The following STX7 variants were observed in gnomAD, a reference collection of about 807,000 sequenced individuals.
STX7 encodes the protein syntaxin-7.
STX7 carries 34 observed loss-of-function variants against 39.6 expected under a neutral mutation model. That is an observed-to-expected ratio of 0.86 (90% CI 0.65 to 1.14). The LOEUF is 1.14. STX7 is among the 50% of genes most tolerant of loss of function. The pLI is 0.00. For missense variants in STX7, 284 were observed against 310.4 expected (o/e 0.92, Z 0.64); for synonymous variants, 119 against 99.1 (o/e 1.20, Z -1.19).
rs1287373038 is a variant in STX7, at chr6:132,447,946, G to A, written c.*12812C>T. 6.6e-6 allele frequency: 1 copy of A among 151,950 alleles called. No homozygotes were observed. The highest frequency in any genetic ancestry group is 1.5e-5 in the Non-Finnish European group (1 of 67,990). 9.4% of individuals were successfully genotyped at this position (151,950 alleles called of 1,614,324 possible). A position where few individuals can be genotyped will look rare whatever the true frequency, so the allele number is the denominator to read the frequency against. Reference sequence around the variant, plus strand: ...TCTTGCATTTTTGTGGTCTATCAAAGTTGGGATTTCTAAAGTGTTTTTCCC... The same window carrying A: ...TCTTGCATTTTTGTGGTCTATCAAAATTGGGATTTCTAAAGTGTTTTTCCC... On this transcript the variant is annotated 3_prime_UTR_variant, in exon 10 of 10. Coordinates refer to ENST00000367941, the MANE Select transcript of STX7 (RefSeq NM_003569.3).
rs907342240 is a variant in STX7, at chr6:132,460,380, C to G, written c.*378G>C. The G allele has an allele frequency of 6.4e-6, 1 of 156,382 alleles. No homozygotes were observed. The highest frequency in any genetic ancestry group is 2.4e-5 in the African/African-American group (1 of 41,568). 9.7% of individuals were successfully genotyped at this position (156,382 alleles called of 1,614,324 possible). The stretch of plus-strand genomic sequence containing the variant: ...TTTGAGAATTTTAATTGAAGTAACA[C>G]ACATCTAGGTGTGTCACAGTGACAG... On this transcript the variant is annotated 3_prime_UTR_variant, in exon 10 of 10. Coordinates refer to ENST00000367941, the MANE Select transcript of STX7 (RefSeq NM_003569.3).
chr6:132,487,036 G>A (rs137926572), intron 2 of STX7, among the ~76,000 whole-genome samples: 1,784 of 152,216 alleles, frequency 0.012, 17 homozygotes, highest in South Asian at 0.019. Context: ...CTGCTAAAAC[G>A]AATTCTTCAA....
rs1171192816 is a variant in STX7, at chr6:132,446,583, C to CATTT, written c.*14171_*14174dup. ...GATTTTGCTTTTTCTCAGGGCCCAG[C>CATTT]ATTTATTAAGCACTCAGCAAATGCT... On this transcript the variant is annotated 3_prime_UTR_variant, in exon 10 of 10. Transcript: ENST00000367941. 6.6e-6 allele frequency: 1 copy of CATTT among 152,158 alleles called. No homozygotes were observed. The highest frequency in any genetic ancestry group is 6.5e-5 in the Admixed American group (1 of 15,274). 9.4% of individuals were successfully genotyped at this position (152,158 alleles called of 1,614,324 possible).
At chr6:132,508,959 A>G (rs919757005) in intron 1 of STX7, among the ~76,000 whole-genome samples, 1 of 152,214 alleles carries the variant, frequency 6.6e-6, no homozygotes, top group Non-Finnish European at 1.5e-5. Flanking sequence ...TTATTTTCTC[A>G]GTTAATTCTT....
At chr6:132,462,731 G>A (rs1239100810) in intron 9 of STX7, among the ~76,000 whole-genome samples, 1 of 152,036 alleles carries the variant, frequency 6.6e-6, no homozygotes, top group East Asian at 1.9e-4. Flanking sequence ...ATAAACAGGA[G>A]TGACTGTCAG....
intron 3 of STX7, among the ~76,000 whole-genome samples, chr6:132,472,905 C>T (rs1562325461): frequency 1.3e-5 from 2 of 152,186 alleles, no homozygotes; most frequent in Admixed American, 6.5e-5. Flanking sequence ...CACCTGTCAT[C>T]CCAACACTTT....
chr6:132,512,378 G>A (rs1283129908), intron 1 of STX7, among the ~76,000 whole-genome samples: 1 of 151,926 alleles, frequency 6.6e-6, no homozygotes, highest in African/African-American at 2.4e-5. Flanking sequence ...AAAACAAGGT[G>A]GAGGAAATAC....
Position 132,454,867 on chromosome 6 carries a change from AT to A in STX7, c.*5890del, listed in dbSNP as rs1360140271. ...ACTAAGGTTATCTTACTATTAGCAA[AT>A]TTTGGTATATACCCACTGCAAAATA... is the stretch of plus-strand genomic sequence containing the variant. On this transcript the variant is annotated 3_prime_UTR_variant, in exon 10 of 10. Transcript: ENST00000367941. The A allele has an allele frequency of 6.6e-6, 1 of 152,182 alleles. No homozygotes were observed. The highest frequency in any genetic ancestry group is 1.5e-5 in the Non-Finnish European group (1 of 68,016). The allele number at this position is 152,182 out of a possible 1,614,324, so 9.4% of individuals were successfully genotyped here.
At chr6:132,485,859 T>C (rs960673946) in intron 2 of STX7, among the ~76,000 whole-genome samples, 5 of 152,256 alleles carry the variant, frequency 3.3e-5, no homozygotes, top group Non-Finnish European at 5.9e-5. Context: ...GATCAAGGTA[T>C]ATCTTCCCAA....
In STX7 at chr6:132,509,059, C is replaced by G. The variant is rs1300812886; in HGVS notation, c.-59+3948G>C. On this transcript the variant is annotated intron_variant, in intron 1 of 9. Coordinates refer to ENST00000367941, the MANE Select transcript of STX7 (RefSeq NM_003569.3). The stretch of plus-strand genomic sequence containing the variant: ...CATTATGCCTCATTATCATTATAAG[C>G]AAAGGAGCAAATATTTGAAAATAAC... Among the ~76,000 whole-genome samples the G allele has an allele frequency of 2.6e-5, 4 of 151,972 alleles. No individual in the cohort carries two copies. In the East Asian group the frequency reaches 7.7e-4, roughly 29 times the overall value.
In STX7 at chr6:132,503,556, C is replaced by A; in HGVS notation, c.-26G>T. 1.3e-6 allele frequency: 2 copies of A among 1,586,722 alleles called. No homozygotes were observed. The highest frequency in any genetic ancestry group is 1.7e-6 in the Non-Finnish European group (2 of 1,155,648). Reference sequence around the variant, plus strand: ...GGTTGATGTTCTTATTCGCTAATTTCATCAGATGCTGTGCAGTTTTCTAAG... The same window carrying A: ...GGTTGATGTTCTTATTCGCTAATTTAATCAGATGCTGTGCAGTTTTCTAAG... On this transcript the variant is annotated 5_prime_UTR_variant, in exon 2 of 10. It removes an upstream start codon present in the reference 5' UTR. Coordinates refer to ENST00000367941, the MANE Select transcript of STX7 (RefSeq NM_003569.3).
Position 132,508,006 on chromosome 6 carries a change from C to T in STX7, c.-58-4418G>A, listed in dbSNP as rs549910938. On this transcript the variant is annotated intron_variant, in intron 1 of 9. Transcript: ENST00000367941. The stretch of plus-strand genomic sequence containing the variant: ...GTGCGGCACACCATGGAAGTAGCAA[C>T]TGGAAATTTCTACTTTGGGCAAGAC... Among the ~76,000 whole-genome samples, 13 of 152,318 alleles carry T rather than the reference C, an allele frequency of 8.5e-5. No homozygotes were observed. The East Asian group carries it at 2.5e-3, about 29-fold the overall frequency.
chr6:132,495,119 T>C (rs1450993086), intron 2 of STX7, among the ~76,000 whole-genome samples: 2 of 152,154 alleles, frequency 1.3e-5, no homozygotes, highest in African/African-American at 2.4e-5. Context: ...GGTTCACAGA[T>C]AGGAGAGTGA....
chr6:132,480,176 G>GA (rs904203554), intron 2 of STX7, among the ~76,000 whole-genome samples: 3 of 151,898 alleles, frequency 2.0e-5, no homozygotes, highest in African/African-American at 7.3e-5. Context: ...AAATTACAGA[G>GA]AAAAAAAATT....
At chr6:132,498,852 C>A (rs11964938) in intron 2 of STX7, among the ~76,000 whole-genome samples, 10,985 of 152,220 alleles carry the variant, frequency 0.072, 421 homozygotes, top group Non-Finnish European at 0.092. Flanking sequence ...AATCTAAACT[C>A]CCCTTCATTT....
intron 2 of STX7, among the ~76,000 whole-genome samples, chr6:132,501,215 C>A (rs778493027): frequency 6.6e-6 from 1 of 152,034 alleles, no homozygotes; most frequent in Non-Finnish European, 1.5e-5. Flanking sequence ...ACAACAGGCC[C>A]AGCTAATTTT....
rs980306772 is a variant in STX7, at chr6:132,469,848, A to G, written c.537+103T>C. ...AGGGAGACTGTCTCAAAAAGAAAAC[A>G]AAATTTTTCTGTCTCATGCATTCTC... On this transcript the variant is annotated intron_variant, in intron 7 of 9. Coordinates refer to ENST00000367941, the MANE Select transcript of STX7 (RefSeq NM_003569.3). 1.9e-5 allele frequency: 19 copies of G among 979,910 alleles called. No homozygotes were observed. In the Admixed American group the frequency reaches 5.9e-4, roughly 31 times the overall value. 60.7% of individuals were successfully genotyped at this position (979,910 alleles called of 1,614,324 possible). A position where few individuals can be genotyped will look rare whatever the true frequency, so the allele number is the denominator to read the frequency against.
chr6:132,472,331 T>C lies in STX7; in HGVS notation c.200A>G (p.Asp67Gly), dbSNP rs1774746718. 6.2e-7 allele frequency: 1 copy of C among 1,613,696 alleles called. No individual in the cohort carries two copies. The highest frequency in any genetic ancestry group is 8.5e-7 in the Non-Finnish European group (1 of 1,179,872). Reference protein sequence around the residue: ...QYTNQLAKETDKYIKEFGSLP... With the variant: ...QYTNQLAKETGKYIKEFGSLP... ...AGATCCAAACTCTTTAATGTACTTA[T>C]CTGTTTCTTTGGCAAGCTGGTTAGT... is the stretch of plus-strand genomic sequence containing the variant. The change falls in exon 4 of 10, where the codon GAT becomes GGT. Residue 67 changes from aspartate (D) to glycine (G), a missense_variant. By Grantham distance (94) the Asp-to-Gly change is moderately conservative. Coordinates refer to ENST00000367941, the MANE Select transcript of STX7 (RefSeq NM_003569.3).
chr6:132,449,222 A>C lies in STX7; in HGVS notation c.*11536T>G, dbSNP rs1774090025. 6.6e-6 allele frequency: 1 copy of C among 152,042 alleles called. No individual in the cohort carries two copies. The highest frequency in any genetic ancestry group is 2.4e-5 in the African/African-American group (1 of 41,336). The allele number at this position is 152,042 out of a possible 1,614,324, so 9.4% of individuals were successfully genotyped here. A position where few individuals can be genotyped will look rare whatever the true frequency, so the allele number is the denominator to read the frequency against. ...AGGCTGGTCTTAAACTCTTGGGCTC[A>C]AGTGATCCTCCCACTTGAGCCTCCC... On this transcript the variant is annotated 3_prime_UTR_variant, in exon 10 of 10. Coordinates refer to ENST00000367941, the MANE Select transcript of STX7 (RefSeq NM_003569.3).
Sources: allele counts gnomAD v4.1 joint callset (sites outside exome capture counted in the v4.1 genomes callset), GRCh38; gene constraint gnomAD v4.1.1; transcripts MANE v1.5; gene names NCBI Gene and HGNC (gene_info 2026-07-23, HGNC 2026-07-21).